The following SYT9 variants were observed in gnomAD, a reference collection of about 807,000 sequenced individuals.
SYT9 encodes the protein synaptotagmin-9.
In SYT9, 22 loss-of-function variants were observed where a neutral mutation model predicts 48.4. The ratio of observed to expected loss-of-function variants is 0.45; its 90% CI spans 0.32 to 0.65. The LOEUF (loss-of-function observed/expected upper bound fraction) is 0.65, where lower values mean the gene tolerates loss of function less well. Ranked by LOEUF, SYT9 falls within the 30% of genes least tolerant of loss-of-function variation. The pLI, the probability that SYT9 is intolerant of heterozygous loss-of-function variation, is 0.03. For synonymous variants in SYT9, 265 were observed against 245.0 expected, an observed-to-expected ratio of 1.08 and a Z score of -0.76; for missense variants, 577 against 622.0, an observed-to-expected ratio of 0.93 and a Z score of 0.77.
At chr11:7,411,707 G>A (rs1044016326) in intron 3 of SYT9, among the ~76,000 whole-genome samples, 2 of 152,066 alleles carry the variant, frequency 1.3e-5, no homozygotes, top group African/African-American at 4.8e-5. Flanking sequence ...AGACCTTCTT[G>A]CTCTGTATTT....
chr11:7,308,643 T>G (rs1188925548), intron 2 of SYT9, among the ~76,000 whole-genome samples: 3 of 152,158 alleles, frequency 2.0e-5, no homozygotes, highest in African/African-American at 7.2e-5. Context: ...CCAGCTCAAG[T>G]ATCATCTCCT....
chr11:7,386,021 ACTTTC>A (rs1850651323), intron 3 of SYT9, among the ~76,000 whole-genome samples: 1 of 152,158 alleles, frequency 6.6e-6, no homozygotes, highest in Non-Finnish European at 1.5e-5. Flanking sequence ...ATTTATTTAG[ACTTTC>A]CTTAACTTTG....
At chr11:7,310,216 C>T (rs1849106788) in intron 2 of SYT9, among the ~76,000 whole-genome samples, 1 of 152,158 alleles carries the variant, frequency 6.6e-6, no homozygotes, top group African/African-American at 2.4e-5. Context: ...TCACTGCAAC[C>T]TCTGCCACCT....
chr11:7,367,379 C>A (rs1681722591), intron 3 of SYT9, among the ~76,000 whole-genome samples: 1 of 152,028 alleles, frequency 6.6e-6, no homozygotes, highest in East Asian at 1.9e-4. Flanking sequence ...CCGCGCCCGG[C>A]CTTCCAGGAG....
intron 6 of SYT9, chr11:7,440,901 T>G (rs1200106541): frequency 1.3e-5 from 2 of 151,946 alleles, no homozygotes; most frequent in Non-Finnish European, 2.9e-5. Context: ...GACAACACAA[T>G]AAAATAGACA....
At position 7,313,511 on chromosome 11, in the gene SYT9, A is replaced by C. The variant is rs1224894640; in HGVS notation, c.614A>C (p.Gln205Pro). 1 of 1,614,194 alleles carries C rather than the reference A, an allele frequency of 6.2e-7. No individual in the cohort carries two copies. The highest frequency in any genetic ancestry group is 8.5e-7 in the Non-Finnish European group (1 of 1,180,002). ...IGRIKPELYK[Q>P]RSLDNDDGRR... The stretch of plus-strand genomic sequence containing the variant: ...AGAATTAAACCAGAGTTATATAAGC[A>C]GAGGTCATTGGATAATGATGACGGG... The change falls in exon 3 of 7, where the codon CAG becomes CCG. Residue 205 changes from glutamine to proline, a missense_variant. Physicochemically the swap from Gln to Pro is moderately conservative, Grantham distance 76. Coordinates refer to ENST00000318881, the MANE Select transcript of SYT9 (RefSeq NM_175733.4).
chr11:7,333,292 A>C (rs1285140282), intron 3 of SYT9, among the ~76,000 whole-genome samples: 2 of 152,178 alleles, frequency 1.3e-5, no homozygotes, highest in East Asian at 3.9e-4. Flanking sequence ...TTCCAGCTCC[A>C]CACACTCAGC....
chr11:7,259,469 A>G (rs577791762), intron 1 of SYT9, among the ~76,000 whole-genome samples: 1 of 152,122 alleles, frequency 6.6e-6, no homozygotes, highest in Non-Finnish European at 1.5e-5. Context: ...AATTATAAAC[A>G]GTGAGCCCTA....
intron 3 of SYT9, among the ~76,000 whole-genome samples, chr11:7,407,213 T>C (rs531021914): frequency 2.1e-4 from 32 of 152,240 alleles, no homozygotes; most frequent in African/African-American, 7.7e-4. Flanking sequence ...ATAAATTTAA[T>C]ATAATCCCAT....
intron 6 of SYT9, among the ~76,000 whole-genome samples, chr11:7,426,409 C>G (rs761099674): frequency 2.6e-4 from 39 of 152,114 alleles, no homozygotes; most frequent in Non-Finnish European, 5.0e-4. Context: ...AATGCTTGGC[C>G]TGGGAGCTTT....
chr11:7,410,347 G>T (rs772201515), intron 3 of SYT9, among the ~76,000 whole-genome samples: 1 of 152,192 alleles, frequency 6.6e-6, no homozygotes, highest in Admixed American at 6.5e-5. Context: ...GTGTGTGTTA[G>T]TTCCACTTGG....
chr11:7,284,305 C>T (rs1848557749), intron 1 of SYT9, among the ~76,000 whole-genome samples: 1 of 152,140 alleles, frequency 6.6e-6, no homozygotes, highest in Non-Finnish European at 1.5e-5. Context: ...AAGTTACTGC[C>T]ACTTGAAGGT....
chr11:7,296,319 A>G (rs1848807196), intron 1 of SYT9, among the ~76,000 whole-genome samples: 1 of 152,246 alleles, frequency 6.6e-6, no homozygotes, highest in African/African-American at 2.4e-5. Context: ...CCTGAAGTAT[A>G]ATTAAATAAC....
intron 1 of SYT9, among the ~76,000 whole-genome samples, chr11:7,260,680 T>C (rs993311408): frequency 4.6e-5 from 7 of 152,216 alleles, no homozygotes; most frequent in African/African-American, 1.7e-4. Flanking sequence ...CTCAGGTTAC[T>C]GGCAAATATG....
chr11:7,424,101 T>G (rs1324442887), intron 6 of SYT9, among the ~76,000 whole-genome samples: 2 of 152,196 alleles, frequency 1.3e-5, no homozygotes, highest in Non-Finnish European at 2.9e-5. Context: ...GTCTAAACTC[T>G]GAGCCCTGCA....
At chr11:7,272,391 C>T (rs887480815) in intron 1 of SYT9, among the ~76,000 whole-genome samples, 9 of 152,162 alleles carry the variant, frequency 5.9e-5, no homozygotes, top group Admixed American at 1.3e-4. Context: ...CTCCACCCAC[C>T]TTCTAGTGCC....
chr11:7,250,398 C>T (rs572987527), upstream of SYT9, among the ~76,000 whole-genome samples: 217 of 152,200 alleles, frequency 1.4e-3, 1 homozygote, highest in Non-Finnish European at 1.9e-3. Flanking sequence ...GGTAATATTT[C>T]CATGTGCTTC....
At chr11:7,338,675 T>C (rs1313162581) in intron 3 of SYT9, among the ~76,000 whole-genome samples, 2 of 152,164 alleles carry the variant, frequency 1.3e-5, no homozygotes, top group Non-Finnish European at 2.9e-5. Flanking sequence ...ATTTTTTGTC[T>C]CGATTTCTAT....
chr11:7,354,195 G>A (rs1849974040), intron 3 of SYT9, among the ~76,000 whole-genome samples: 1 of 152,126 alleles, frequency 6.6e-6, no homozygotes, highest in Non-Finnish European at 1.5e-5. Context: ...TGGGGCATAT[G>A]AATCCTCTTT....
Sources: allele counts gnomAD v4.1 joint callset (sites outside exome capture counted in the v4.1 genomes callset), GRCh38; gene constraint gnomAD v4.1.1; transcripts MANE v1.5; gene names NCBI Gene and HGNC (gene_info 2026-07-23, HGNC 2026-07-21).